SPAG16: variants seen among roughly 807,000 people sequenced by gnomAD.
The protein encoded by SPAG16 is sperm associated antigen 16, also known as sperm-associated antigen 16 protein.
In SPAG16, 86 loss-of-function variants were observed where a neutral mutation model predicts 80.4. That is an observed-to-expected ratio of 1.07 (90% CI 0.90 to 1.28). The LOEUF is 1.28. Ranked by LOEUF, SPAG16 falls within the 50% of genes most tolerant of loss-of-function variation. The pLI is 0.00. For missense variants in SPAG16, 870 were observed against 765.3 expected, an observed-to-expected ratio of 1.14 and a Z score of -1.61; for synonymous variants, 294 against 265.9, an observed-to-expected ratio of 1.11 and a Z score of -1.03.
At chr2:213,958,235 G>T (rs1360460498) in intron 12 of SPAG16, among the ~76,000 whole-genome samples, 2 of 152,172 alleles carry the variant, frequency 1.3e-5, no homozygotes, top group African/African-American at 4.8e-5. Context: ...CACAAGTTCC[G>T]TGGAGTCTGT....
At chr2:213,530,053 G>A (rs2076017969) in intron 10 of SPAG16, among the ~76,000 whole-genome samples, 3 of 152,172 alleles carry the variant, frequency 2.0e-5, no homozygotes, top group East Asian at 1.9e-4. Context: ...CAAGGATGGA[G>A]CTGTCATCTC....
intron 9 of SPAG16, among the ~76,000 whole-genome samples, chr2:213,471,265 G>T (rs1402624212): frequency 6.6e-6 from 1 of 152,138 alleles, no homozygotes; most frequent in Non-Finnish European, 1.5e-5. Context: ...ACGGAGGCAG[G>T]AGGGGAGCAT....
At chr2:213,728,006 T>C (rs2066851696) in intron 10 of SPAG16, among the ~76,000 whole-genome samples, 1 of 151,864 alleles carries the variant, frequency 6.6e-6, no homozygotes, top group Admixed American at 6.6e-5. Flanking sequence ...CCGCCACCAC[T>C]CTCGGTTAAT....
At chr2:213,781,050 T>G (rs1026363933) in intron 10 of SPAG16, among the ~76,000 whole-genome samples, 14 of 152,174 alleles carry the variant, frequency 9.2e-5, no homozygotes, top group Admixed American at 5.9e-4. Context: ...TTTACAAAAT[T>G]GCCTTCTGAA....
At chr2:214,351,528 C>T (rs1028459324) in intron 15 of SPAG16, among the ~76,000 whole-genome samples, 1 of 91,820 alleles carries the variant, frequency 1.1e-5, no homozygotes, top group African/African-American at 2.6e-5. Context: ...GGTGAAACCC[C>T]GTTTCTACTA....
chr2:214,006,622 T>G (rs2047037693), intron 12 of SPAG16, among the ~76,000 whole-genome samples: 2 of 152,232 alleles, frequency 1.3e-5, no homozygotes, highest in African/African-American at 4.8e-5. Flanking sequence ...TGCATGAGAC[T>G]TCAGTGTTTA....
At chr2:214,247,466 A>G (rs1276379051) in intron 15 of SPAG16, among the ~76,000 whole-genome samples, 1 of 152,174 alleles carries the variant, frequency 6.6e-6, no homozygotes, top group Non-Finnish European at 1.5e-5. Flanking sequence ...TTGTCCCCAT[A>G]GTAGATGGTC....
Position 213,906,533 on chromosome 2 carries a change from A to G in SPAG16, c.1215-23427A>G, listed in dbSNP as rs181095308. Reference sequence around the variant, plus strand: ...AAAAATAATCCTAAAATTGCAGAGAACACAAAAGAGCCTAAATAGCCAAAA... The same window carrying G: ...AAAAATAATCCTAAAATTGCAGAGAGCACAAAAGAGCCTAAATAGCCAAAA... On this transcript the variant is annotated intron_variant, in intron 11 of 15. Coordinates refer to ENST00000331683, the MANE Select transcript of SPAG16 (RefSeq NM_024532.5). 2.2e-3 allele frequency among the ~76,000 whole-genome samples: 328 copies of G among 152,322 alleles called. 2 individuals carry two copies. The highest frequency in any genetic ancestry group is 4.1e-3 in the Admixed American group (62 of 15,292).
At chr2:213,881,048 A>C (rs1896278) in intron 11 of SPAG16, among the ~76,000 whole-genome samples, 1 of 151,924 alleles carries the variant, frequency 6.6e-6, no homozygotes, top group Non-Finnish European at 1.5e-5. Flanking sequence ...GAATCTGTAA[A>C]TTGCTTTGGG....
At chr2:213,733,284 A>T (rs1461211529) in intron 10 of SPAG16, among the ~76,000 whole-genome samples, 2 of 150,866 alleles carry the variant, frequency 1.3e-5, no homozygotes, top group African/African-American at 4.9e-5. Flanking sequence ...TGTCAGATGG[A>T]TAGACTGCAG....
chr2:213,415,457 G>A lies in SPAG16; in HGVS notation c.942+40338G>A, dbSNP rs1188155001. The stretch of plus-strand genomic sequence containing the variant: ...AAACAATTGAAGTGGAACAAAACTG[G>A]ACTCAATGATGCCAAGTTGGGAATA... On this transcript the variant is annotated intron_variant, in intron 9 of 15. Transcript: ENST00000331683. Among the ~76,000 whole-genome samples the A allele has an allele frequency of 2.0e-5, 3 of 152,166 alleles. 1 individual carries two copies. In the East Asian group the frequency reaches 5.8e-4, roughly 29 times the overall value.
chr2:213,913,591 ATAT>A (rs2077789778), intron 11 of SPAG16, among the ~76,000 whole-genome samples: 1 of 6,708 alleles, frequency 1.5e-4, no homozygotes, highest in Non-Finnish European at 8.2e-4. Context: ...ACATGTACAT[ATAT>A]GTATATGTAC....
chr2:214,029,914 T>C (rs1042490276), intron 13 of SPAG16, among the ~76,000 whole-genome samples: 1 of 152,160 alleles, frequency 6.6e-6, no homozygotes, highest in African/African-American at 2.4e-5. Flanking sequence ...ATGCATAATA[T>C]CACCACAATC....
chr2:213,925,496 T>G (rs1022282236), intron 11 of SPAG16, among the ~76,000 whole-genome samples: 50 of 152,144 alleles, frequency 3.3e-4, no homozygotes, highest in African/African-American at 1.2e-3. Context: ...GGGCTACATG[T>G]GTCCACTACC....
chr2:213,294,941 G>C (rs2062437787), intron 1 of SPAG16, among the ~76,000 whole-genome samples: 1 of 152,148 alleles, frequency 6.6e-6, no homozygotes, highest in African/African-American at 2.4e-5. Context: ...CAGCCTCATA[G>C]GCAGGATGAG....
At chr2:213,906,131 A>G (rs1342746128) in intron 11 of SPAG16, among the ~76,000 whole-genome samples, 3 of 151,606 alleles carry the variant, frequency 2.0e-5, no homozygotes, top group Admixed American at 6.6e-5. Context: ...TCCCCACTCT[A>G]TGTCCCACCC....
intron 12 of SPAG16, among the ~76,000 whole-genome samples, chr2:214,006,852 A>G (rs537074275): frequency 3.3e-5 from 5 of 152,322 alleles, no homozygotes; most frequent in African/African-American, 1.2e-4. Context: ...CTTGAGCAGT[A>G]CTTTCTTCCC....
At chr2:213,667,536 T>C (rs2063653601) in intron 10 of SPAG16, among the ~76,000 whole-genome samples, 1 of 152,226 alleles carries the variant, frequency 6.6e-6, no homozygotes, top group South Asian at 2.1e-4. Flanking sequence ...AATTGTGTTT[T>C]AAGTTCCTGT....
chr2:213,961,073 T>C (rs149027415), intron 12 of SPAG16, among the ~76,000 whole-genome samples: 2 of 152,288 alleles, frequency 1.3e-5, no homozygotes, highest in Non-Finnish European at 2.9e-5. Flanking sequence ...AGAGCCGAAA[T>C]TGACCAAAAT....
Sources: allele counts gnomAD v4.1 joint callset (sites outside exome capture counted in the v4.1 genomes callset), GRCh38; gene constraint gnomAD v4.1.1; transcripts MANE v1.5; gene names NCBI Gene and HGNC (gene_info 2026-07-23, HGNC 2026-07-21).